The following OR9Q2 variants were observed in gnomAD, a reference collection of about 807,000 sequenced individuals.
OR9Q2 encodes olfactory receptor 9Q2.
In OR9Q2, 2 loss-of-function variants were observed where a neutral mutation model predicts 2.3. The ratio of observed to expected loss-of-function variants is 0.85; its 90% CI spans 0.35 to 2.68. The LOEUF is 2.68. Ranked by LOEUF, OR9Q2 falls within the 30% of genes most tolerant of loss-of-function variation. The pLI is 0.10. For synonymous variants in OR9Q2, 178 were observed against 158.6 expected (o/e 1.12, Z -0.92); for missense variants, 404 against 395.7 (o/e 1.02, Z -0.18).
rs778157735 is a variant in OR9Q2 at position 58,190,719 on chromosome 11, A to G, written c.229A>G (p.Ile77Val). The G allele has an allele frequency of 1.2e-6, 2 of 1,614,066 alleles. No individual in the cohort carries two copies. Among genetic ancestry groups the G allele is most frequent in the Non-Finnish European group, 1.7e-6 (2 of 1,180,036 alleles). Residue 77 changes from isoleucine (I) to valine (V), a missense_variant, in exon 2 of 2, where the codon ATC (isoleucine) becomes GTC (valine). Physicochemically the swap from Ile to Val is conservative, Grantham distance 29. Coordinates refer to ENST00000641291, the MANE Select transcript of OR9Q2 (RefSeq NM_001005283.3). Reference protein sequence around the residue: ...SLVDICYSSAIIPQMLAVLWE... With the variant: ...SLVDICYSSAVIPQMLAVLWE... The stretch of plus-strand genomic sequence containing the variant: ...GGTGGACATCTGCTACTCGTCCGCC[A>G]TCATCCCTCAGATGCTGGCTGTGCT...
rs1854765629 is a variant in OR9Q2, at chr11:58,191,571, T to A, written c.*136T>A. ...GAACTTCCCACCTCCACTTTCTGAT[T>A]TATTATTCCATGTAATACTTATCAT... On this transcript the variant is annotated 3_prime_UTR_variant, in exon 2 of 2. Transcript: ENST00000641291. 5.0e-6 allele frequency: 3 copies of A among 598,670 alleles called. No individual in the cohort carries two copies. The highest frequency in any genetic ancestry group is 8.9e-6 in the Non-Finnish European group (3 of 336,152). The allele number at this position is 598,670 out of a possible 1,614,324, so 37.1% of individuals were successfully genotyped here. A position where few individuals can be genotyped will look rare whatever the true frequency, so the allele number is the denominator to read the frequency against.
In OR9Q2 at chr11:58,192,569, T is replaced by G. The variant is rs988503508; in HGVS notation, c.*1134T>G. On this transcript the variant is annotated 3_prime_UTR_variant, in exon 2 of 2. Transcript: ENST00000641291. Reference sequence around the variant, plus strand: ...ATGTTCTAGGATTGTATAATGTGACTTTGTGTATATATGTGTGTGTGTGTG... The same window carrying G: ...ATGTTCTAGGATTGTATAATGTGACGTTGTGTATATATGTGTGTGTGTGTG... 6.6e-6 allele frequency: 1 copy of G among 152,194 alleles called. No individual in the cohort carries two copies. The highest frequency in any genetic ancestry group is 2.4e-5 in the African/African-American group (1 of 41,458). The allele number at this position is 152,194 out of a possible 1,614,324, so 9.4% of individuals were successfully genotyped here.
rs965452601 is a variant in OR9Q2, at chr11:58,191,541, C to T, written c.*106C>T. The T allele has an allele frequency of 8.6e-6, 6 of 695,044 alleles. No homozygotes were observed. The highest frequency in any genetic ancestry group is 1.4e-5 in the Non-Finnish European group (6 of 419,498). The allele number at this position is 695,044 out of a possible 1,614,324, so 43.1% of individuals were successfully genotyped here. A position where few individuals can be genotyped will look rare whatever the true frequency, so the allele number is the denominator to read the frequency against. On this transcript the variant is annotated 3_prime_UTR_variant, in exon 2 of 2. Coordinates refer to ENST00000641291, the MANE Select transcript of OR9Q2 (RefSeq NM_001005283.3). The stretch of plus-strand genomic sequence containing the variant: ...TCCTAAATAACCCTATGCAAAATCG[C>T]ACCTGAACTTCCCACCTCCACTTTC...
chr11:58,191,499 A>G lies in OR9Q2; in HGVS notation c.*64A>G, dbSNP rs1854764999. ...ATCTTTTCTGTCTTTTCTCAATAGC[A>G]CCTTCTGGAGAGACTTTCCTAAATA... On this transcript the variant is annotated 3_prime_UTR_variant, in exon 2 of 2. Transcript: ENST00000641291. The G allele has an allele frequency of 8.2e-6, 10 of 1,220,206 alleles. No homozygotes were observed. Among genetic ancestry groups the G allele is most frequent in the Non-Finnish European group, 1.0e-5 (9 of 871,928 alleles). 75.6% of individuals were successfully genotyped at this position (1,220,206 alleles called of 1,614,324 possible).
At chr11:58,190,290 C>A (rs1276685000) in intron 1 of OR9Q2, 29 bp from the exon 2 acceptor site, 7 of 547,728 alleles carry the variant, frequency 1.3e-5, no homozygotes, top group African/African-American at 3.8e-5. Context: ...ATAATAGAAG[C>A]ATTCATCACT....
rs762262717 is a variant in OR9Q2, at chr11:58,191,384, A to G, written c.894A>G (p.Lys298=). Residue 298 remains lysine, a synonymous_variant, in exon 2 of 2, where the codon AAA becomes AAG. Transcript: ENST00000641291. ...ATAGCCTGAGAAACAAGGAGGTAAA[A>G]GAGGCCACTAGGAAAGCCCTGAGCA... ...LIYSLRNKEV[K]EATRKALSKS... is the part of the protein sequence containing the mutation. 3.6e-5 allele frequency: 58 copies of G among 1,613,558 alleles called. No individual in the cohort carries two copies. The South Asian group carries it at 6.3e-4, about 17-fold the overall frequency.
rs1275354825 is a variant in OR9Q2, at chr11:58,191,485, CTT to C, written c.*53_*54del. On this transcript the variant is annotated 3_prime_UTR_variant, in exon 2 of 2. Coordinates refer to ENST00000641291, the MANE Select transcript of OR9Q2 (RefSeq NM_001005283.3). ...TCCTTAGTTTCCCCATCTTTTCTGT[CTT>C]TTCTCAATAGCACCTTCTGGAGAGA... 1.5e-6 allele frequency: 2 copies of C among 1,357,694 alleles called. No individual in the cohort carries two copies. Among genetic ancestry groups the C allele is most frequent in the Admixed American group, 2.3e-5 (1 of 43,380 alleles). The allele number at this position is 1,357,694 out of a possible 1,614,324, so 84.1% of individuals were successfully genotyped here. A position where few individuals can be genotyped will look rare whatever the true frequency, so the allele number is the denominator to read the frequency against.
rs1054449584 is a variant in OR9Q2, at chr11:58,193,197, G to A, written c.*1762G>A. On this transcript the variant is annotated 3_prime_UTR_variant, in exon 2 of 2. Transcript: ENST00000641291. ...GTATGGTGCTTGTCCAGGCTCCACA[G>A]CCTAGTGAGTAGTGATGGGCAGAGG... The A allele has an allele frequency of 6.6e-6, 1 of 152,148 alleles. No individual in the cohort carries two copies. Among genetic ancestry groups the A allele is most frequent in the African/African-American group, 2.4e-5 (1 of 41,442 alleles). The allele number at this position is 152,148 out of a possible 1,614,324, so 9.4% of individuals were successfully genotyped here.
At position 58,190,772 on chromosome 11, in the gene OR9Q2, G is replaced by T. The variant is rs576000642; in HGVS notation, c.282G>T (p.Gln94His). The change falls in exon 2 of 2, where the codon CAG (glutamine) becomes CAT (histidine). Residue 94 changes from glutamine to histidine, a missense_variant. Coordinates refer to ENST00000641291, the MANE Select transcript of OR9Q2 (RefSeq NM_001005283.3). ...VLWEHGTTIS[Q>H]ARCAAQFFLF... ...GGGAGCACGGCACAACCATCTCCCA[G>T]GCTCGCTGTGCAGCTCAGTTCTTCC... 6.2e-7 allele frequency: 1 copy of T among 1,614,078 alleles called. No homozygotes were observed. The highest frequency in any genetic ancestry group is 8.5e-7 in the Non-Finnish European group (1 of 1,180,048).
Position 58,190,706 on chromosome 11 carries a change from C to G in OR9Q2, c.216C>G (p.Cys72Trp). Residue 72 changes from cysteine to tryptophan, a missense_variant, in exon 2 of 2, where the codon TGC (cysteine) becomes TGG (tryptophan). Coordinates refer to ENST00000641291, the MANE Select transcript of OR9Q2 (RefSeq NM_001005283.3). The stretch of plus-strand genomic sequence containing the variant: ...GCCACCTTTCCTTGGTGGACATCTG[C>G]TACTCGTCCGCCATCATCCCTCAGA... ...FLSHLSLVDI[C>W]YSSAIIPQML... 6.2e-7 allele frequency: 1 copy of G among 1,614,198 alleles called. No individual in the cohort carries two copies. Among genetic ancestry groups the G allele is most frequent in the Non-Finnish European group, 8.5e-7 (1 of 1,180,014 alleles).
Position 58,190,840 on chromosome 11 carries a change from T to C in OR9Q2, c.350T>C (p.Ile117Thr), listed in dbSNP as rs772397293. The change falls in exon 2 of 2, where the codon ATC becomes ACC. Residue 117 changes from isoleucine to threonine, a missense_variant. By Grantham distance (89) the Ile-to-Thr change is moderately conservative. Transcript: ENST00000641291. ...FASIDCYLLAIMAYDRYTAVC... is the reference protein window; with the variant it reads ...FASIDCYLLATMAYDRYTAVC... ...TCCATCGACTGCTACCTTCTGGCCA[T>C]CATGGCCTATGACCGCTACACGGCC... is the stretch of plus-strand genomic sequence containing the variant. 1.2e-6 allele frequency: 2 copies of C among 1,614,200 alleles called. No individual in the cohort carries two copies. The highest frequency in any genetic ancestry group is 1.7e-6 in the Non-Finnish European group (2 of 1,180,040).
Position 58,191,909 on chromosome 11 carries a change from T to G in OR9Q2, c.*474T>G, listed in dbSNP as rs1025724684. The G allele has an allele frequency of 1.3e-5, 2 of 155,678 alleles. No individual in the cohort carries two copies. The highest frequency in any genetic ancestry group is 4.8e-5 in the African/African-American group (2 of 41,454). 9.6% of individuals were successfully genotyped at this position (155,678 alleles called of 1,614,324 possible). Reference sequence around the variant, plus strand: ...AAATGGACAAGGATCGCCTCTGTCTTATTCACTAGTATCTGCAGAACACAG... The same window carrying G: ...AAATGGACAAGGATCGCCTCTGTCTGATTCACTAGTATCTGCAGAACACAG... On this transcript the variant is annotated 3_prime_UTR_variant, in exon 2 of 2. Coordinates refer to ENST00000641291, the MANE Select transcript of OR9Q2 (RefSeq NM_001005283.3).
Position 58,191,167 on chromosome 11 carries a change from T to C in OR9Q2, c.677T>C (p.Leu226Pro). ...TACCTGTTTATCATTGTGGCCATCC[T>C]GCAGATCCACTCTGCTGGAGGCCGG... Reference protein sequence around the residue: ...VSYLFIIVAILQIHSAGGRAK... With the variant: ...VSYLFIIVAIPQIHSAGGRAK... The change falls in exon 2 of 2, where the codon CTG becomes CCG. Residue 226 changes from leucine to proline, a missense_variant. Coordinates refer to ENST00000641291, the MANE Select transcript of OR9Q2 (RefSeq NM_001005283.3). 3.7e-6 allele frequency: 6 copies of C among 1,614,176 alleles called. No individual in the cohort carries two copies. The highest frequency in any genetic ancestry group is 5.1e-6 in the Non-Finnish European group (6 of 1,180,012).
At chr11:58,189,605 C>A (rs1308731281) in intron 1 of OR9Q2, among the ~76,000 whole-genome samples, 1 of 152,164 alleles carries the variant, frequency 6.6e-6, no homozygotes, top group Non-Finnish European at 1.5e-5. Context: ...TAGAACTCCA[C>A]TAAGGACCCC....
At chr11:58,189,818 T>C (rs1232499970) in intron 1 of OR9Q2, among the ~76,000 whole-genome samples, 2 of 152,226 alleles carry the variant, frequency 1.3e-5, no homozygotes, top group African/African-American at 4.8e-5. Context: ...AGGTCAATGC[T>C]TGAGTGTGTG....
rs1854746195 is a variant in OR9Q2 at position 58,190,375 on chromosome 11, G to A, written c.-116G>A. On this transcript the variant is annotated 5_prime_UTR_variant, in exon 2 of 2. Transcript: ENST00000641291. ...ACTGAAAAGTGTGTTGAAGTTGAGT[G>A]CCGACATGTAAGACATTCAATTTAA... The A allele has an allele frequency of 1.5e-6, 1 of 679,524 alleles. No homozygotes were observed. The highest frequency in any genetic ancestry group is 2.6e-6 in the Non-Finnish European group (1 of 389,628). The allele number at this position is 679,524 out of a possible 1,614,324, so 42.1% of individuals were successfully genotyped here.
rs147638635 is a variant in OR9Q2, at chr11:58,191,702, T to C, written c.*267T>C. 3 of 295,018 alleles carry C rather than the reference T, an allele frequency of 1.0e-5. No individual in the cohort carries two copies. 18.3% of individuals were successfully genotyped at this position (295,018 alleles called of 1,614,324 possible). On this transcript the variant is annotated 3_prime_UTR_variant, in exon 2 of 2. Coordinates refer to ENST00000641291, the MANE Select transcript of OR9Q2 (RefSeq NM_001005283.3). ...CTTTTTTATCTGAGCTTCATTTCTA[T>C]ATGTCCAGTTCCTAGCAAAGCACCT...
chr11:58,192,581 T>C lies in OR9Q2; in HGVS notation c.*1146T>C, dbSNP rs993797. On this transcript the variant is annotated 3_prime_UTR_variant, in exon 2 of 2. Transcript: ENST00000641291. ...TGTATAATGTGACTTTGTGTATATA[T>C]GTGTGTGTGTGTGTATAGTTGTGCA... 0.34 allele frequency: 51,522 copies of C among 151,716 alleles called. 9,346 individuals are homozygous for C. Among genetic ancestry groups the C allele is most frequent in the East Asian group, 0.74 (3,850 of 5,172 alleles). 9.4% of individuals were successfully genotyped at this position (151,716 alleles called of 1,614,324 possible). A position where few individuals can be genotyped will look rare whatever the true frequency, so the allele number is the denominator to read the frequency against.
rs774807943 is a variant in OR9Q2, at chr11:58,191,483, G to C, written c.*48G>C. 6 of 1,376,704 alleles carry C rather than the reference G, an allele frequency of 4.4e-6. No homozygotes were observed. Among genetic ancestry groups the C allele is most frequent in the South Asian group, 1.4e-5 (1 of 70,510 alleles). 85.3% of individuals were successfully genotyped at this position (1,376,704 alleles called of 1,614,324 possible). A position where few individuals can be genotyped will look rare whatever the true frequency, so the allele number is the denominator to read the frequency against. On this transcript the variant is annotated 3_prime_UTR_variant, in exon 2 of 2. Coordinates refer to ENST00000641291, the MANE Select transcript of OR9Q2 (RefSeq NM_001005283.3). ...ATTCCTTAGTTTCCCCATCTTTTCT[G>C]TCTTTTCTCAATAGCACCTTCTGGA... is the stretch of plus-strand genomic sequence containing the variant.
Sources: allele counts gnomAD v4.1 joint callset (sites outside exome capture counted in the v4.1 genomes callset), GRCh38; gene constraint gnomAD v4.1.1; transcripts MANE v1.5; gene names NCBI Gene and HGNC (gene_info 2026-07-23, HGNC 2026-07-21).